NPY2R: variants seen among roughly 807,000 people sequenced by gnomAD.
The protein encoded by NPY2R is neuropeptide Y receptor Y2.
NPY2R carries 17 observed loss-of-function variants against 22.3 expected under a neutral mutation model. The observed-to-expected ratio is 0.76, with a 90% CI of 0.52 to 1.14. The LOEUF is 1.14. NPY2R is among the 50% of genes most tolerant of loss of function. The pLI, the probability that NPY2R is intolerant of heterozygous loss-of-function variation, is 0.00. For missense variants in NPY2R, 424 were observed against 467.9 expected, an observed-to-expected ratio of 0.91 and a Z score of 0.87; for synonymous variants, 209 against 183.4, an observed-to-expected ratio of 1.14 and a Z score of -1.13.
chr4:155,187,231 TC>T, the NPY2R span, among the ~76,000 whole-genome samples: 2 of 152,218 alleles, frequency 1.3e-5, no homozygotes, highest in Non-Finnish European at 2.9e-5. Flanking sequence ...AGAGATGTCC[TC>T]CTTTCTAGTG....
chr4:155,177,856 A>C, the NPY2R span, among the ~76,000 whole-genome samples: 1 of 151,796 alleles, frequency 6.6e-6, no homozygotes, highest in African/African-American at 2.4e-5. Context: ...CCACACCAAA[A>C]ACCCCTGCCT....
rs995205885 is a variant in NPY2R at position 155,216,297 on chromosome 4, A to G, written c.*1212A>G. On this transcript the variant is annotated 3_prime_UTR_variant, in exon 2 of 2. Transcript: ENST00000329476. ...GAATATATACATAAAAATTGTTTCT[A>G]TAAATTGTAGAACATAGATGCTACA... The G allele has an allele frequency of 3.6e-5, 6 of 166,644 alleles. No individual in the cohort carries two copies. Among genetic ancestry groups the G allele is most frequent in the Non-Finnish European group, 8.8e-5 (6 of 68,004 alleles). The allele number at this position is 166,644 out of a possible 1,614,324, so 10.3% of individuals were successfully genotyped here. A position where few individuals can be genotyped will look rare whatever the true frequency, so the allele number is the denominator to read the frequency against.
chr4:155,203,921 T>C (rs1729235607), upstream of NPY2R, among the ~76,000 whole-genome samples: 2 of 152,208 alleles, frequency 1.3e-5, no homozygotes, highest in Non-Finnish European at 2.9e-5. Context: ...TACATGACTT[T>C]ATTAGCTTCT....
rs539822689 is a variant in NPY2R, at chr4:155,215,706, C to T, written c.*621C>T. The T allele has an allele frequency of 5.9e-6, 1 of 168,388 alleles. No individual in the cohort carries two copies. Among genetic ancestry groups the T allele is most frequent in the Admixed American group, 6.4e-5 (1 of 15,510 alleles). The allele number at this position is 168,388 out of a possible 1,614,324, so 10.4% of individuals were successfully genotyped here. A position where few individuals can be genotyped will look rare whatever the true frequency, so the allele number is the denominator to read the frequency against. On this transcript the variant is annotated 3_prime_UTR_variant, in exon 2 of 2. Coordinates refer to ENST00000329476, the MANE Select transcript of NPY2R (RefSeq NM_000910.4). The stretch of plus-strand genomic sequence containing the variant: ...CAGATGATAGGGGAACTCCTCAACA[C>T]TCAGTGGGCCAATTGTTCTTAAAAC...
At chr4:155,199,254 GAACA>G in the NPY2R span, among the ~76,000 whole-genome samples, 28 of 151,614 alleles carry the variant, frequency 1.8e-4, no homozygotes, top group African/African-American at 6.5e-4. Context: ...TGTGTGTATT[GAACA>G]AACAAACAAC....
At chr4:155,211,935 C>T (rs1224800354) in intron 1 of NPY2R, among the ~76,000 whole-genome samples, 2 of 152,190 alleles carry the variant, frequency 1.3e-5, no homozygotes, top group East Asian at 3.9e-4. Context: ...AATATAGTGG[C>T]TTCTCCCTTC....
At chr4:155,211,176 G>T (rs576481289) in intron 1 of NPY2R, among the ~76,000 whole-genome samples, 2 of 152,280 alleles carry the variant, frequency 1.3e-5, no homozygotes, top group South Asian at 2.1e-4. Context: ...CTGACAAATT[G>T]CTGAGTACCT....
intron 1 of NPY2R, among the ~76,000 whole-genome samples, chr4:155,211,610 A>C (rs1481105816): frequency 6.6e-6 from 1 of 152,234 alleles, no homozygotes; most frequent in Non-Finnish European, 1.5e-5. Context: ...TAATGAAAGC[A>C]TACATGTATG....
At chr4:155,183,357 G>C in the NPY2R span, among the ~76,000 whole-genome samples, 1 of 152,258 alleles carries the variant, frequency 6.6e-6, no homozygotes, top group East Asian at 1.9e-4. Flanking sequence ...GGAAATATAG[G>C]AGTTTTATTT....
At chr4:155,192,880 C>T in the NPY2R span, among the ~76,000 whole-genome samples, 1 of 151,826 alleles carries the variant, frequency 6.6e-6, no homozygotes, top group Non-Finnish European at 1.5e-5. Flanking sequence ...AAGGACAAGG[C>T]CCAGTGCTGC....
chr4:155,198,588 T>C, the NPY2R span, among the ~76,000 whole-genome samples: 1 of 147,196 alleles, frequency 6.8e-6, no homozygotes, highest in African/African-American at 2.5e-5. Context: ...TAATATATTA[T>C]ATATAATATA....
chr4:155,184,453 C>A, the NPY2R span, among the ~76,000 whole-genome samples: 1 of 152,174 alleles, frequency 6.6e-6, no homozygotes, highest in African/African-American at 2.4e-5. Context: ...GCCCATACTA[C>A]CTGTATTTAT....
the NPY2R span, among the ~76,000 whole-genome samples, chr4:155,183,218 A>G: frequency 6.6e-6 from 1 of 152,244 alleles, no homozygotes; most frequent in African/African-American, 2.4e-5. Context: ...TACAAGTTGT[A>G]TAACAAGTTG....
chr4:155,202,147 G>T, the NPY2R span, among the ~76,000 whole-genome samples: 1 of 152,270 alleles, frequency 6.6e-6, no homozygotes, highest in Admixed American at 6.5e-5. Flanking sequence ...ATGCAATGGA[G>T]AAATATATTT....
the NPY2R span, among the ~76,000 whole-genome samples, chr4:155,188,177 T>C: frequency 6.6e-6 from 1 of 152,108 alleles, no homozygotes; most frequent in Non-Finnish European, 1.5e-5. Context: ...CTTTTTTACT[T>C]CCTCTTTTGG....
At chr4:155,182,825 C>G in the NPY2R span, among the ~76,000 whole-genome samples, 1 of 152,034 alleles carries the variant, frequency 6.6e-6, no homozygotes, top group Non-Finnish European at 1.5e-5. Flanking sequence ...TGGAGTCTCG[C>G]TGTTTCACCC....
chr4:155,191,881 A>G, the NPY2R span, among the ~76,000 whole-genome samples: 7 of 151,894 alleles, frequency 4.6e-5, no homozygotes, highest in East Asian at 1.4e-3. Flanking sequence ...GTCACATACT[A>G]CATACTCCAT....
At chr4:155,196,110 G>A in the NPY2R span, among the ~76,000 whole-genome samples, 3 of 151,996 alleles carry the variant, frequency 2.0e-5, no homozygotes, top group Non-Finnish European at 2.9e-5. Context: ...AGGAGATCTT[G>A]CTGCTAAAAT....
chr4:155,214,374 C>G lies in NPY2R; in HGVS notation c.435C>G (p.Ala145=), dbSNP rs1466735230. ...CCACAATCACCTTGACAGTAATTGC[C>G]CTGGACCGGCACAGGTGCATCGTCT... ...QVSTITLTVI[A]LDRHRCIVYH... Residue 145 remains alanine, a synonymous_variant, in exon 2 of 2, where the codon GCC becomes GCG. Coordinates refer to ENST00000329476, the MANE Select transcript of NPY2R (RefSeq NM_000910.4). 6.2e-7 allele frequency: 1 copy of G among 1,613,980 alleles called. No individual in the cohort carries two copies. The highest frequency in any genetic ancestry group is 1.3e-5 in the African/African-American group (1 of 74,902).
Sources: allele counts gnomAD v4.1 joint callset (sites outside exome capture counted in the v4.1 genomes callset), GRCh38; gene constraint gnomAD v4.1.1; transcripts MANE v1.5; gene names NCBI Gene and HGNC (gene_info 2026-07-23, HGNC 2026-07-21).